The following MGAT5 variants were observed in gnomAD, a reference collection of about 807,000 sequenced individuals.
MGAT5 encodes the protein alpha-1,6-mannosylglycoprotein 6-beta-N-acetylglucosaminyltransferase.
A neutral mutation model predicts 94.3 loss-of-function variants in MGAT5; 30 were observed. That is an observed-to-expected ratio of 0.32 (90% CI 0.24 to 0.43). The LOEUF is 0.43. Ranked by LOEUF, MGAT5 falls within the 20% of genes least tolerant of loss-of-function variation. The pLI is 1.00. For missense variants in MGAT5, 691 were observed against 905.5 expected, an observed-to-expected ratio of 0.76 and a Z score of 3.04; for synonymous variants, 310 against 322.9, an observed-to-expected ratio of 0.96 and a Z score of 0.43.
At chr2:134,310,992 A>G (rs1028720205) in intron 2 of MGAT5, among the ~76,000 whole-genome samples, 3 of 152,250 alleles carry the variant, frequency 2.0e-5, no homozygotes, top group Non-Finnish European at 2.9e-5. Context: ...GCATGGCCAC[A>G]TGTTCATATC....
At chr2:134,394,806 C>T in intron 10 of MGAT5, among the ~76,000 whole-genome samples, 1 of 152,138 alleles carries the variant, frequency 6.6e-6, no homozygotes, top group Admixed American at 6.5e-5. Flanking sequence ...TAATAGGAGA[C>T]ACTTCTCCCT....
intron 2 of MGAT5, among the ~76,000 whole-genome samples, chr2:134,295,091 G>C (rs1401179012): frequency 2.6e-5 from 4 of 152,146 alleles, no homozygotes; most frequent in African/African-American, 9.7e-5. Context: ...TTAAATTTAT[G>C]TTCAAGTGCT....
intron 11 of MGAT5, 71 bp downstream of exon 11, chr2:134,403,208 AT>A: frequency 6.8e-7 from 1 of 1,460,904 alleles, no homozygotes; most frequent in Non-Finnish European, 9.1e-7. Flanking sequence ...AGAATATTTC[AT>A]GCTTGTTTTT....
chr2:134,198,277 C>A (rs1470310993), intron 1 of MGAT5, among the ~76,000 whole-genome samples: 1 of 152,238 alleles, frequency 6.6e-6, no homozygotes, highest in Non-Finnish European at 1.5e-5. Flanking sequence ...CCATCATAGG[C>A]AACCCATGTG....
intron 13 of MGAT5, among the ~76,000 whole-genome samples, chr2:134,423,975 G>T (rs1684441629): frequency 6.6e-6 from 1 of 152,212 alleles, no homozygotes; most frequent in Non-Finnish European, 1.5e-5. Context: ...AGATGGGAGA[G>T]AGGAATAGAT....
chr2:134,292,197 GTCTGGGTCC>G (rs983634312), intron 2 of MGAT5, among the ~76,000 whole-genome samples: 5 of 152,144 alleles, frequency 3.3e-5, no homozygotes, highest in African/African-American at 1.2e-4. Context: ...TTCAGATTGC[GTCTGGGTCC>G]TCAGAACTGA....
At chr2:134,261,118 T>G (rs1374116801) in intron 1 of MGAT5, among the ~76,000 whole-genome samples, 1 of 152,196 alleles carries the variant, frequency 6.6e-6, no homozygotes. Flanking sequence ...GGGCTCATTC[T>G]TCTACCCCTC....
chr2:134,164,339 G>C (rs771788231), intron 1 of MGAT5, among the ~76,000 whole-genome samples: 22 of 152,220 alleles, frequency 1.4e-4, no homozygotes, highest in Admixed American at 1.4e-3. Flanking sequence ...TAGGAAATAA[G>C]CTTTGAGAGT....
intron 7 of MGAT5, among the ~76,000 whole-genome samples, chr2:134,343,396 G>A (rs1688742325): frequency 2.0e-5 from 3 of 152,188 alleles, no homozygotes; most frequent in Admixed American, 1.3e-4. Context: ...CAGTTTTCAG[G>A]AACCTATTGA....
At chr2:134,310,590 G>T (rs987822803) in intron 2 of MGAT5, among the ~76,000 whole-genome samples, 1 of 152,196 alleles carries the variant, frequency 6.6e-6, no homozygotes, top group Non-Finnish European at 1.5e-5. Context: ...AGTGAGTCTT[G>T]CCTGTTTCCC....
intron 1 of MGAT5, among the ~76,000 whole-genome samples, chr2:134,201,932 A>T (rs1679809732): frequency 1.3e-5 from 2 of 150,564 alleles, no homozygotes; most frequent in Admixed American, 6.6e-5. Flanking sequence ...TGCTACAAAG[A>T]TGCCAGGGTT....
At chr2:134,223,164 T>G (rs1322434406) in intron 1 of MGAT5, among the ~76,000 whole-genome samples, 2 of 152,200 alleles carry the variant, frequency 1.3e-5, no homozygotes, top group Admixed American at 6.5e-5. Flanking sequence ...CATCATAGTT[T>G]AGAAGGCAAC....
chr2:134,443,472 G>T (rs563829776), intron 15 of MGAT5, among the ~76,000 whole-genome samples: 3 of 152,204 alleles, frequency 2.0e-5, no homozygotes, highest in Non-Finnish European at 2.9e-5. Flanking sequence ...TATTACAGGC[G>T]TGAGCCATCG....
chr2:134,424,156 G>T (rs1020869522), intron 13 of MGAT5, among the ~76,000 whole-genome samples: 2 of 152,162 alleles, frequency 1.3e-5, no homozygotes, highest in African/African-American at 4.8e-5. Flanking sequence ...GTGCAGAAAG[G>T]CATGGGTTCA....
intron 1 of MGAT5, among the ~76,000 whole-genome samples, chr2:134,180,906 A>G (rs182993074): frequency 1.2e-4 from 19 of 152,302 alleles, no homozygotes; most frequent in African/African-American, 4.6e-4. Flanking sequence ...CACATTTTTG[A>G]AAGAAAACAA....
chr2:134,271,971 A>T (rs1684056823), intron 2 of MGAT5, among the ~76,000 whole-genome samples: 1 of 152,148 alleles, frequency 6.6e-6, no homozygotes, highest in South Asian at 2.1e-4. Context: ...TGGAGGTGGG[A>T]TGGAGTGTTC....
intron 2 of MGAT5, among the ~76,000 whole-genome samples, chr2:134,312,827 T>C (rs1686759011): frequency 6.6e-6 from 1 of 152,184 alleles, no homozygotes. Flanking sequence ...CTTTTCAGAC[T>C]GTCAGATGAG....
chr2:134,314,825 C>T (rs560762976), intron 2 of MGAT5, among the ~76,000 whole-genome samples: 14 of 152,226 alleles, frequency 9.2e-5, no homozygotes, highest in African/African-American at 2.6e-4. Flanking sequence ...TTGGCAGAAA[C>T]GAGGGGCCTT....
chr2:134,400,486 T>G (rs1338288587), intron 10 of MGAT5, among the ~76,000 whole-genome samples: 2 of 152,182 alleles, frequency 1.3e-5, no homozygotes, highest in Non-Finnish European at 2.9e-5. Context: ...TACATATACC[T>G]CTTTATATTT....
Sources: gnomAD v4.1 joint callset for allele counts (sites outside exome capture counted in the v4.1 genomes callset) on GRCh38, gnomAD v4.1.1 for gene constraint, MANE v1.5 for transcripts, NCBI Gene and HGNC (gene_info 2026-07-23, HGNC 2026-07-21) for gene names.